The following ASNSD1 variants were observed in gnomAD, a reference collection of about 807,000 sequenced individuals.
ASNSD1 encodes asparagine synthetase domain-containing protein 1.
ASNSD1 carries 36 observed loss-of-function variants against 48.3 expected under a neutral mutation model. That is an observed-to-expected ratio of 0.75 (90% CI 0.57 to 0.99). ASNSD1 has a LOEUF of 0.99. ASNSD1 is among the 50% of genes least tolerant of loss of function. The pLI is 0.00. For missense variants in ASNSD1, 714 were observed against 758.2 expected, an observed-to-expected ratio of 0.94 and a Z score of 0.69; for synonymous variants, 257 against 262.1, an observed-to-expected ratio of 0.98 and a Z score of 0.19.
intron 2 of ASNSD1, 91 bp from the exon 3 acceptor site, chr2:189,665,285 A>G: frequency 2.7e-6 from 1 of 374,862 alleles, no homozygotes; most frequent in Non-Finnish European, 4.8e-6. Flanking sequence ...TACTGAATAG[A>G]TTTTCAAGAA....
chr2:189,668,733 G>A lies in ASNSD1; in HGVS notation c.1646+788G>A, dbSNP rs145925004. Among the ~76,000 whole-genome samples, 892 of 152,222 alleles carry A rather than the reference G, an allele frequency of 5.9e-3. 16 individuals carry two copies. Among genetic ancestry groups the A allele is most frequent in the African/African-American group, 0.02 (822 of 41,502 alleles). ...CTTACACTGGATATTCCTCTGCCAC[G>A]TTTTTTGAACACAATTTAGTTACAT... On this transcript the variant is annotated intron_variant, in intron 5 of 5. Transcript: ENST00000260952.
In ASNSD1 at chr2:189,670,697, C is replaced by A; in HGVS notation, c.1903C>A (p.Leu635Ile). ...GCTCCAAATCATGTCCTTAGAAAAT[C>A]TTTCTATTGAAAAGGAGACTAAATT... The part of the protein sequence containing the change: ...GRLQIMSLEN[L>I]SIEKETKL Residue 635 changes from leucine to isoleucine, a missense_variant, in exon 6 of 6, where the codon CTT becomes ATT. Physicochemically the swap from Leu to Ile is conservative, Grantham distance 5 (BLOSUM62 2). Coordinates refer to ENST00000260952, the MANE Select transcript of ASNSD1 (RefSeq NM_019048.4). The A allele has an allele frequency of 6.3e-7, 1 of 1,597,778 alleles. No homozygotes were observed. The highest frequency in any genetic ancestry group is 8.5e-7 in the Non-Finnish European group (1 of 1,173,284).
Position 189,667,900 on chromosome 2 carries a change from T to A in ASNSD1, c.1601T>A (p.Leu534His). 1 of 1,614,010 alleles carries A rather than the reference T, an allele frequency of 6.2e-7. No individual in the cohort carries two copies. The highest frequency in any genetic ancestry group is 8.5e-7 in the Non-Finnish European group (1 of 1,179,990). The change falls in exon 5 of 6, where the codon CTT (leucine) becomes CAT (histidine). Residue 534 changes from leucine (L) to histidine (H), a missense_variant. Transcript: ENST00000260952. ...MELGRISSRN[L>H]GRDDRVIGDH... ...CTGGGTCGAATTTCTTCTAGAAATC[T>A]TGGTCGTGATGACAGAGTTATTGGT...
At position 189,667,298 on chromosome 2, in the gene ASNSD1, T is replaced by C; in HGVS notation, c.1166T>C (p.Val389Ala). The change falls in exon 4 of 6, where the codon GTT becomes GCT. Residue 389 changes from valine (V) to alanine (A), a missense_variant. By Grantham distance (64) the Val-to-Ala change is moderately conservative (BLOSUM62 0). Transcript: ENST00000260952. ...EIPSEEFSKDVAAAAADSPNK... is the reference protein window; with the variant it reads ...EIPSEEFSKDAAAAAADSPNK... ...CCTTCAGAAGAATTCTCTAAAGATG[T>C]TGCTGCTGCTGCTGCTGACAGTCCT... 1 of 1,614,038 alleles carries C rather than the reference T, an allele frequency of 6.2e-7. No individual in the cohort carries two copies. The highest frequency in any genetic ancestry group is 2.2e-5 in the East Asian group (1 of 44,880).
chr2:189,666,234 T>C lies in ASNSD1; in HGVS notation c.102T>C (p.Ser34=). The change falls in exon 4 of 6, where the codon AGT becomes AGC. Residue 34 remains serine, a synonymous_variant. Transcript: ENST00000260952. ...LYNLKQRGPN[S]SKQLLKSDVN... ...ATCTTAAACAGCGGGGACCCAATAGTAGTAAACAATTGTTAAAGTCTGATG... is the reference window on the plus strand; with the variant it reads ...ATCTTAAACAGCGGGGACCCAATAGCAGTAAACAATTGTTAAAGTCTGATG... 1 of 1,614,114 alleles carries C rather than the reference T, an allele frequency of 6.2e-7. No homozygotes were observed. The highest frequency in any genetic ancestry group is 8.5e-7 in the Non-Finnish European group (1 of 1,179,986).
At chr2:189,662,948 C>CAA (rs67898532) in intron 1 of ASNSD1, among the ~76,000 whole-genome samples, 52 of 76,924 alleles carry the variant, frequency 6.8e-4, no homozygotes, top group African/African-American at 2.3e-3. Flanking sequence ...GACCCTGTTT[C>CAA]AAAAAAAAAA....
At chr2:189,663,613 G>A (rs80300277) in intron 1 of ASNSD1, among the ~76,000 whole-genome samples, 1,586 of 152,266 alleles carry the variant, frequency 0.01, 34 homozygotes, top group African/African-American at 0.036. Context: ...TGTAGTCCTT[G>A]GCATGATTGC....
In ASNSD1 at chr2:189,665,610, A is replaced by ATATATACATATATATATATG. The variant is rs1559034419; in HGVS notation, c.-93+165_-93+166insCATATATATATATGTATATA. Among the ~76,000 whole-genome samples, 37 of 20,258 alleles carry ATATATACATATATATATATG rather than the reference A, an allele frequency of 1.8e-3. 1 individual carries two copies. Among genetic ancestry groups the ATATATACATATATATATATG allele is most frequent in the African/African-American group, 3.0e-3 (35 of 11,692 alleles). 13.3% of individuals were successfully genotyped at this position (20,258 alleles called of 152,430 possible). A position where few individuals can be genotyped will look rare whatever the true frequency, so the allele number is the denominator to read the frequency against. Reference sequence around the variant, plus strand: ...TATATATATATGTGTATATATATATATATATATATATATATATATATATAT... The same window carrying ATATATACATATATATATATG: ...TATATATATATGTGTATATATATATATATATACATATATATATATGTATATATATATATATATATATATAT... On this transcript the variant is annotated intron_variant, in intron 3 of 5. Transcript: ENST00000260952.
At chr2:189,669,181 A>G (rs1241902679) in intron 5 of ASNSD1, among the ~76,000 whole-genome samples, 1 of 152,202 alleles carries the variant, frequency 6.6e-6, no homozygotes, top group African/African-American at 2.4e-5. Flanking sequence ...GTCCTAGCCC[A>G]TGTAAAAGTT....
intron 3 of ASNSD1, 149 bp downstream of exon 3, chr2:189,665,600 A>ATATG (rs2032773447): frequency 2.0e-4 from 1 of 4,886 alleles, no homozygotes; most frequent in Non-Finnish European, 3.8e-4. Flanking sequence ...ATATATGTGT[A>ATATG]TATATATATA....
In ASNSD1 at chr2:189,665,395, A is replaced by C; in HGVS notation, c.-149A>C. 2 of 397,770 alleles carry C rather than the reference A, an allele frequency of 5.0e-6. No homozygotes were observed. The highest frequency in any genetic ancestry group is 8.9e-6 in the Non-Finnish European group (2 of 225,492). 24.6% of individuals were successfully genotyped at this position (397,770 alleles called of 1,614,324 possible). On this transcript the variant is annotated 5_prime_UTR_variant, in exon 3 of 6. Coordinates refer to ENST00000260952, the MANE Select transcript of ASNSD1 (RefSeq NM_019048.4). ...TTCCAGAAAGTATATAGGCAACAAC[A>C]GAACAGCAATATATTCTTTCTTGCA...
rs577721510 is a variant in ASNSD1, at chr2:189,662,360, C to T, written c.-223+750C>T. 9.8e-5 allele frequency among the ~76,000 whole-genome samples: 15 copies of T among 152,352 alleles called. No homozygotes were observed. The South Asian group carries it at 3.1e-3, about 32-fold the overall frequency. On this transcript the variant is annotated intron_variant, in intron 1 of 5. Transcript: ENST00000260952. ...TGGTTCTGTCCCAAACTTACAATGA[C>T]ATCTTGGGCAAGTCTCTTTAATCTT...
At chr2:189,669,227 G>T (rs1008807222) in intron 5 of ASNSD1, among the ~76,000 whole-genome samples, 2 of 152,146 alleles carry the variant, frequency 1.3e-5, no homozygotes, top group African/African-American at 4.8e-5. Context: ...TAATTTTCAA[G>T]ATTTCACTAT....
rs2032910987 is a variant in ASNSD1, at chr2:189,670,814, T to C, written c.*88T>C. 2 of 936,580 alleles carry C rather than the reference T, an allele frequency of 2.1e-6. No individual in the cohort carries two copies. Among genetic ancestry groups the C allele is most frequent in the Non-Finnish European group, 2.9e-6 (2 of 691,706 alleles). The allele number at this position is 936,580 out of a possible 1,614,324, so 58.0% of individuals were successfully genotyped here. A position where few individuals can be genotyped will look rare whatever the true frequency, so the allele number is the denominator to read the frequency against. On this transcript the variant is annotated 3_prime_UTR_variant, in exon 6 of 6. Transcript: ENST00000260952. ...TCTGCTGCTTTACTATTGTATAACATAGTAGTTTTAAAGTTCATTTGGTTG... is the reference window on the plus strand; with the variant it reads ...TCTGCTGCTTTACTATTGTATAACACAGTAGTTTTAAAGTTCATTTGGTTG...
In ASNSD1 at chr2:189,667,465, A is replaced by G. The variant is rs2032837589; in HGVS notation, c.1333A>G (p.Ile445Val). Residue 445 changes from isoleucine (I) to valine (V), a missense_variant, in exon 4 of 6, where the codon ATA becomes GTA. Physicochemically the swap from Ile to Val is conservative, Grantham distance 29 (BLOSUM62 3). Transcript: ENST00000260952. ...ACTGCAGAAATTAAGAAGAACTCGA[A>G]TATGTCACTTAATTCGGCCATTGGA... ...EELQKLRRTR[I>V]CHLIRPLDTV... The G allele has an allele frequency of 6.2e-7, 1 of 1,614,198 alleles. No homozygotes were observed. The highest frequency in any genetic ancestry group is 8.5e-7 in the Non-Finnish European group (1 of 1,180,036).
chr2:189,663,143 C>T (rs192808803), intron 1 of ASNSD1, among the ~76,000 whole-genome samples: 36 of 151,992 alleles, frequency 2.4e-4, no homozygotes, highest in African/African-American at 8.0e-4. Context: ...AGTAACCCAC[C>T]CCTCATTCAA....
intron 5 of ASNSD1, among the ~76,000 whole-genome samples, chr2:189,668,336 G>A (rs2032857110): frequency 9.3e-6 from 1 of 107,766 alleles, no homozygotes; most frequent in Non-Finnish European, 1.9e-5. Flanking sequence ...TAAACATGAT[G>A]AAACCCCACT....
Position 189,667,096 on chromosome 2 carries a change from G to A in ASNSD1, c.964G>A (p.Val322Ile). Reference protein sequence around the residue: ...VLKTCDRKANVAILFSGGIDS... With the variant: ...VLKTCDRKANIAILFSGGIDS... ...GAAAACGTGTGATAGGAAAGCAAATGTTGCAATCCTGTTTTCTGGGGGCAT... is the reference window on the plus strand; with the variant it reads ...GAAAACGTGTGATAGGAAAGCAAATATTGCAATCCTGTTTTCTGGGGGCAT... Residue 322 changes from valine (V) to isoleucine (I), a missense_variant, in exon 4 of 6, where the codon GTT becomes ATT. Transcript: ENST00000260952. 1.2e-6 allele frequency: 2 copies of A among 1,614,176 alleles called. No individual in the cohort carries two copies. Among genetic ancestry groups the A allele is most frequent in the Non-Finnish European group, 1.7e-6 (2 of 1,180,020 alleles).
chr2:189,667,686 T>C lies in ASNSD1; in HGVS notation c.1465-78T>C, dbSNP rs899101153. ...GCATTTTGATTGTAAGAATATAGCATATTTTAGGTGCATTTATCTTATTTT... is the reference window on the plus strand; with the variant it reads ...GCATTTTGATTGTAAGAATATAGCACATTTTAGGTGCATTTATCTTATTTT... On this transcript the variant is annotated intron_variant, in intron 4 of 5. Coordinates refer to ENST00000260952, the MANE Select transcript of ASNSD1 (RefSeq NM_019048.4). 9.1e-6 allele frequency: 14 copies of C among 1,538,816 alleles called. No individual in the cohort carries two copies. In the African/African-American group the frequency reaches 1.5e-4, roughly 17 times the overall value.
Sources: gnomAD v4.1 joint callset for allele counts (sites outside exome capture counted in the v4.1 genomes callset) on GRCh38, gnomAD v4.1.1 for gene constraint, MANE v1.5 for transcripts, NCBI Gene and HGNC (gene_info 2026-07-23, HGNC 2026-07-21) for gene names.